Variants in CNPY1 observed in about 807,000 individuals in gnomAD.
The protein encoded by CNPY1 is canopy FGF signaling regulator 1, also known as protein canopy homolog 1.
Under a neutral mutation model 14.4 loss-of-function variants are expected in CNPY1, and 14 were observed. That is an observed-to-expected ratio of 0.97 (90% CI 0.64 to 1.52). The LOEUF (loss-of-function observed/expected upper bound fraction) is 1.52. Ranked by LOEUF, CNPY1 falls within the 40% of genes most tolerant of loss-of-function variation. The pLI is 0.00. For synonymous variants in CNPY1, 43 were observed against 46.5 expected (o/e 0.92, Z 0.31); for missense variants, 129 against 131.5 (o/e 0.98, Z 0.09).
At chr7:155,528,891 T>C (rs565247690) in intron 2 of CNPY1, among the ~76,000 whole-genome samples, 1 of 152,110 alleles carries the variant, frequency 6.6e-6, no homozygotes, top group East Asian at 1.9e-4. Context: ...AAACTGTGTC[T>C]CTACTAAAAA....
At chr7:155,534,247 C>T (rs1415732143) in intron 2 of CNPY1, among the ~76,000 whole-genome samples, 1 of 152,226 alleles carries the variant, frequency 6.6e-6, no homozygotes, top group Non-Finnish European at 1.5e-5. Flanking sequence ...TCCACGCCTT[C>T]CCTGTCTCTG....
In CNPY1 at chr7:155,515,306, C is replaced by G. The variant is rs776026720; in HGVS notation, c.100-6209G>C. 5.9e-3 allele frequency among the ~76,000 whole-genome samples: 861 copies of G among 144,928 alleles called. 13 individuals carry two copies. The highest frequency in any genetic ancestry group is 0.013 in the South Asian group (55 of 4,252). ...TGGTCTCAAGGCCGCCCCCCCCCCCCCCGGCCCCGGCCAGGAACTCTTTCA... is the reference window on the plus strand; with the variant it reads ...TGGTCTCAAGGCCGCCCCCCCCCCCGCCGGCCCCGGCCAGGAACTCTTTCA... On this transcript the variant is annotated intron_variant, in intron 2 of 4. Transcript: ENST00000636446.
intron 2 of CNPY1, among the ~76,000 whole-genome samples, chr7:155,517,076 G>A (rs959905237): frequency 2.3e-4 from 35 of 152,308 alleles, no homozygotes; most frequent in African/African-American, 8.2e-4. Context: ...GGCCATAGCT[G>A]TAGGCTGAAT....
intron 2 of CNPY1, among the ~76,000 whole-genome samples, chr7:155,511,648 T>G (rs1023374525): frequency 1.3e-5 from 2 of 152,254 alleles, no homozygotes; most frequent in Non-Finnish European, 2.9e-5. Context: ...GCTGACTGGC[T>G]TTTTGATGTG....
intron 2 of CNPY1, among the ~76,000 whole-genome samples, chr7:155,526,225 G>C (rs1201152264): frequency 2.0e-5 from 3 of 152,214 alleles, no homozygotes; most frequent in African/African-American, 4.8e-5. Flanking sequence ...AACTCAGTGT[G>C]GGGGAGCAAG....
chr7:155,516,177 GT>G (rs1377629306), intron 2 of CNPY1, among the ~76,000 whole-genome samples: 2 of 152,136 alleles, frequency 1.3e-5, no homozygotes, highest in African/African-American at 4.8e-5. Flanking sequence ...TGACTCAAAA[GT>G]CAAATCCACC....
At chr7:155,534,201 C>T (rs1796992761) in intron 2 of CNPY1, among the ~76,000 whole-genome samples, 1 of 152,222 alleles carries the variant, frequency 6.6e-6, no homozygotes, top group African/African-American at 2.4e-5. Context: ...GATGCCTCCT[C>T]TGGTGCCCAG....
At chr7:155,503,896 T>C (rs1311286642) in intron 4 of CNPY1, among the ~76,000 whole-genome samples, 1 of 152,218 alleles carries the variant, frequency 6.6e-6, no homozygotes, top group Non-Finnish European at 1.5e-5. Context: ...ATCCATTCAT[T>C]TCTAAGTTAC....
At chr7:155,529,000 G>T (rs1719907442) in intron 2 of CNPY1, among the ~76,000 whole-genome samples, 1 of 151,790 alleles carries the variant, frequency 6.6e-6, no homozygotes, top group Non-Finnish European at 1.5e-5. Context: ...GGCGGAGCTT[G>T]CAGTGAGCAG....
Position 155,516,506 on chromosome 7 carries a change from G to A in CNPY1, c.100-7409C>T, listed in dbSNP as rs149993595. 4.6e-5 allele frequency among the ~76,000 whole-genome samples: 7 copies of A among 152,254 alleles called. No individual in the cohort carries two copies. In the East Asian group the frequency reaches 1.4e-3, roughly 29 times the overall value. On this transcript the variant is annotated intron_variant, in intron 2 of 4. Transcript: ENST00000636446. The stretch of plus-strand genomic sequence containing the variant: ...GAGTGGAACCGCGGGGACCTCAATA[G>A]GAACTCTCAGATGAGGAGGCTGCGG...
chr7:155,523,247 CA>C (rs1421651863), intron 2 of CNPY1, among the ~76,000 whole-genome samples: 1 of 152,136 alleles, frequency 6.6e-6, no homozygotes, highest in Non-Finnish European at 1.5e-5. Flanking sequence ...TTATTCTTGC[CA>C]AATGGTCTGA....
At chr7:155,525,933 T>C (rs910753970) in intron 2 of CNPY1, among the ~76,000 whole-genome samples, 6 of 152,216 alleles carry the variant, frequency 3.9e-5, no homozygotes, top group African/African-American at 1.2e-4. Flanking sequence ...AGAATTAACA[T>C]GACATAGCTA....
At chr7:155,524,224 G>A (rs545557732) in intron 2 of CNPY1, among the ~76,000 whole-genome samples, 1 of 152,370 alleles carries the variant, frequency 6.6e-6, no homozygotes, top group Non-Finnish European at 1.5e-5. Flanking sequence ...CGAGGCTAGA[G>A]GTGGGGTGGT....
chr7:155,541,028 C>A (rs1426266477), intron 2 of CNPY1, among the ~76,000 whole-genome samples: 1 of 152,226 alleles, frequency 6.6e-6, no homozygotes, highest in Non-Finnish European at 1.5e-5. Context: ...ATGCTGGCTG[C>A]ATTTTGCTGA....
At chr7:155,541,935 G>A (rs1393871428) in intron 2 of CNPY1, among the ~76,000 whole-genome samples, 2 of 151,856 alleles carry the variant, frequency 1.3e-5, no homozygotes, top group Non-Finnish European at 2.9e-5. Flanking sequence ...TTCTCCCAGG[G>A]CTGTTTACCT....
chr7:155,532,894 A>G (rs1415909959), intron 2 of CNPY1, among the ~76,000 whole-genome samples: 2 of 151,988 alleles, frequency 1.3e-5, no homozygotes, highest in African/African-American at 4.8e-5. Context: ...AGTCCCTGGG[A>G]ACCATGACGG....
chr7:155,541,974 G>A (rs1375582344), intron 2 of CNPY1, among the ~76,000 whole-genome samples: 8 of 151,786 alleles, frequency 5.3e-5, no homozygotes, highest in Non-Finnish European at 8.8e-5. Context: ...TAGAGTGGAG[G>A]GGAAGTTCTA....
intron 2 of CNPY1, among the ~76,000 whole-genome samples, chr7:155,522,356 C>T (rs1263000906): frequency 6.6e-6 from 1 of 152,266 alleles, no homozygotes; most frequent in African/African-American, 2.4e-5. Context: ...TCTGCCCATG[C>T]CATCATGTGG....
intron 2 of CNPY1, among the ~76,000 whole-genome samples, chr7:155,514,116 G>A (rs1475064502): frequency 2.0e-5 from 3 of 152,196 alleles, no homozygotes; most frequent in Admixed American, 6.5e-5. Context: ...GTGACAGTAC[G>A]TAAAAAGGCA....
Sources: gnomAD v4.1 joint callset for allele counts (sites outside exome capture counted in the v4.1 genomes callset) on GRCh38, gnomAD v4.1.1 for gene constraint, MANE v1.5 for transcripts, NCBI Gene and HGNC (gene_info 2026-07-23, HGNC 2026-07-21) for gene names.